MYO3A: variants seen among roughly 807,000 people sequenced by gnomAD.
MYO3A encodes myosin IIIA.
MYO3A carries 180 observed loss-of-function variants against 192.7 expected under a neutral mutation model. The ratio of observed to expected loss-of-function variants is 0.93; its 90% CI spans 0.83 to 1.06. The LOEUF (loss-of-function observed/expected upper bound fraction) is 1.06, where lower values mean the gene tolerates loss of function less well. Among genes scored for constraint, MYO3A ranks in the 50% least tolerant of loss-of-function variants. The pLI is 0.00. For missense variants in MYO3A, 1,896 were observed against 1,905.0 expected (o/e 1.00, Z 0.09); for synonymous variants, 628 against 645.3 (o/e 0.97, Z 0.41).
intron 17 of MYO3A, among the ~76,000 whole-genome samples, chr10:26,097,370 G>A (rs987660014): frequency 1.3e-5 from 2 of 151,906 alleles, no homozygotes; most frequent in Admixed American, 1.3e-4. Flanking sequence ...TTTTTTTAAA[G>A]TAAGTTCTTT....
intron 4 of MYO3A, among the ~76,000 whole-genome samples, chr10:25,991,770 A>T (rs934580170): frequency 2.0e-5 from 3 of 152,082 alleles, no homozygotes; most frequent in Admixed American, 6.5e-5. Context: ...TTAAATAGGG[A>T]ATCCTTTCCC....
At position 26,065,605 on chromosome 10, in the gene MYO3A, A is replaced by AAAAAAAACAT. The variant is rs1554817239; in HGVS notation, c.954-1363_954-1362insCATAAAAAAA. 1.4e-3 allele frequency among the ~76,000 whole-genome samples: 165 copies of AAAAAAAACAT among 118,764 alleles called. 21 individuals are homozygous for AAAAAAAACAT. Among genetic ancestry groups the AAAAAAAACAT allele is most frequent in the South Asian group, 4.4e-3 (17 of 3,844 alleles). 77.9% of individuals were successfully genotyped at this position (118,764 alleles called of 152,430 possible). ...ATCTCCAAAAAAAAAAAAAAAAAAA[A>AAAAAAAACAT]AAAAAAAAGTATACATAATTCTTTT... On this transcript the variant is annotated intron_variant, in intron 10 of 34. Coordinates refer to ENST00000642920, the MANE Select transcript of MYO3A (RefSeq NM_017433.5).
rs75497048 is a variant in MYO3A at position 25,936,530 on chromosome 10, A to C, written c.-18+700A>C. 7.9e-4 allele frequency among the ~76,000 whole-genome samples: 120 copies of C among 152,196 alleles called. 2 individuals carry two copies. Among genetic ancestry groups the C allele is most frequent in the African/African-American group, 2.7e-3 (111 of 41,518 alleles). On this transcript the variant is annotated intron_variant, in intron 2 of 34. Coordinates refer to ENST00000642920, the MANE Select transcript of MYO3A (RefSeq NM_017433.5). ...TTGAATGATTGTACCTAACAAACAA[A>C]CTCCCTCCCCCTAGTAATAGGAAAC...
intron 23 of MYO3A, among the ~76,000 whole-genome samples, chr10:26,150,289 C>A (rs1840722718): frequency 6.6e-6 from 1 of 152,114 alleles, no homozygotes; most frequent in Admixed American, 6.5e-5. Context: ...GAATATTGCA[C>A]TATAGTTTTC....
intron 4 of MYO3A, among the ~76,000 whole-genome samples, chr10:25,989,531 A>C (rs965474950): frequency 6.6e-6 from 1 of 152,136 alleles, no homozygotes; most frequent in East Asian, 1.9e-4. Flanking sequence ...AAAAACACCA[A>C]ATATAAATGT....
intron 31 of MYO3A, among the ~76,000 whole-genome samples, chr10:26,192,426 T>C (rs16926652): frequency 1.3e-5 from 2 of 152,132 alleles, no homozygotes; most frequent in African/African-American, 2.4e-5. Context: ...AAAATGAAGA[T>C]CGTGCAGTGC....
chr10:25,982,574 A>G (rs1839400897), intron 4 of MYO3A, among the ~76,000 whole-genome samples: 1 of 152,218 alleles, frequency 6.6e-6, no homozygotes, highest in Non-Finnish European at 1.5e-5. Context: ...CCACCAGTGC[A>G]GGTATCCACA....
intron 3 of MYO3A, among the ~76,000 whole-genome samples, chr10:25,953,674 A>G (rs1352990139): frequency 1.3e-5 from 2 of 152,094 alleles, no homozygotes; most frequent in Non-Finnish European, 2.9e-5. Flanking sequence ...ATGGCTTATA[A>G]TCCATGTAAC....
chr10:26,009,025 A>G (rs1841433338), intron 6 of MYO3A, among the ~76,000 whole-genome samples: 1 of 152,054 alleles, frequency 6.6e-6, no homozygotes, highest in African/African-American at 2.4e-5. Context: ...TGACACATAT[A>G]CACCATGGAA....
chr10:26,191,370 G>T (rs1434946203), intron 31 of MYO3A, among the ~76,000 whole-genome samples: 1 of 152,146 alleles, frequency 6.6e-6, no homozygotes, highest in Non-Finnish European at 1.5e-5. Flanking sequence ...CAGATATTTG[G>T]ACTCCCTCCA....
chr10:26,124,643 G>A (rs1212675280), intron 18 of MYO3A, among the ~76,000 whole-genome samples: 1 of 152,116 alleles, frequency 6.6e-6, no homozygotes, highest in Admixed American at 6.6e-5. Context: ...TATTTTAAAA[G>A]GAGAACAACA....
At chr10:26,068,257 A>C (rs1484241460) in intron 11 of MYO3A, among the ~76,000 whole-genome samples, 2 of 152,162 alleles carry the variant, frequency 1.3e-5, no homozygotes, top group Non-Finnish European at 2.9e-5. Context: ...GACATTATCA[A>C]AATCAATTCA....
intron 14 of MYO3A, among the ~76,000 whole-genome samples, chr10:26,086,386 G>A (rs905637922): frequency 7.9e-5 from 12 of 152,314 alleles, no homozygotes; most frequent in Middle Eastern, 3.4e-3. Context: ...TTTGACATGA[G>A]ATTTGGGTGG....
intron 27 of MYO3A, among the ~76,000 whole-genome samples, chr10:26,167,187 T>C (rs4749094): frequency 0.15 from 22,133 of 152,028 alleles, 1,807 homozygotes; most frequent in East Asian, 0.31. Flanking sequence ...CAAAACAAAC[T>C]CCCATATTTG....
intron 34 of MYO3A, among the ~76,000 whole-genome samples, chr10:26,209,616 C>G (rs1462247722): frequency 6.6e-6 from 1 of 152,106 alleles, no homozygotes; most frequent in Non-Finnish European, 1.5e-5. Context: ...CTCATTTTTT[C>G]TTTAAGTACT....
rs188523461 is a variant in MYO3A, at chr10:25,948,605, T to G, written c.-17-3489T>G. ...AGTATTAGGGAAAATATATGAACAT[T>G]CATTTTTATGTCAAATGCAATTTAC... On this transcript the variant is annotated intron_variant, in intron 2 of 34. Transcript: ENST00000642920. 4.6e-3 allele frequency among the ~76,000 whole-genome samples: 699 copies of G among 152,268 alleles called. 5 individuals are homozygous for G. The highest frequency in any genetic ancestry group is 0.027 in the Middle Eastern group (8 of 294).
chr10:25,956,935 A>C (rs984113764), intron 4 of MYO3A, among the ~76,000 whole-genome samples: 6 of 152,036 alleles, frequency 3.9e-5, no homozygotes, highest in Non-Finnish European at 5.9e-5. Flanking sequence ...CTATGTGTCC[A>C]TGTGTTCTCA....
Position 25,935,830 on chromosome 10 carries a change from G to C in MYO3A, c.-18G>C, listed in dbSNP as rs10128298. The C allele has an allele frequency of 6.6e-6, 1 of 152,114 alleles. No individual in the cohort carries two copies. Among genetic ancestry groups the C allele is most frequent in the Non-Finnish European group, 1.5e-5 (1 of 68,032 alleles). 9.4% of individuals were successfully genotyped at this position (152,114 alleles called of 1,614,324 possible). ...TGCGTTATTTTCAAGCTTTGCTAAC[G>C]GTAGGTGATAAAATTGACAAGTGTT... On this transcript the variant is annotated splice_region_variant and 5_prime_UTR_variant, in exon 2 of 35. Coordinates refer to ENST00000642920, the MANE Select transcript of MYO3A (RefSeq NM_017433.5).
intron 2 of MYO3A, among the ~76,000 whole-genome samples, chr10:25,939,590 G>T (rs1028793849): frequency 1.3e-4 from 20 of 151,662 alleles, no homozygotes; most frequent in Admixed American, 5.2e-4. Flanking sequence ...CCTTTTTAAG[G>T]TATGCAATTG....
Sources: gnomAD v4.1 joint callset for allele counts (sites outside exome capture counted in the v4.1 genomes callset) on GRCh38, gnomAD v4.1.1 for gene constraint, MANE v1.5 for transcripts, NCBI Gene and HGNC (gene_info 2026-07-23, HGNC 2026-07-21) for gene names.